CRYBG1: variants seen among roughly 807,000 people sequenced by gnomAD.
CRYBG1 encodes crystallin beta-gamma domain containing 1.
In CRYBG1, 139 loss-of-function variants were observed where a neutral mutation model predicts 189.2. The observed-to-expected ratio is 0.73, with a 90% CI of 0.64 to 0.85. The LOEUF (loss-of-function observed/expected upper bound fraction) is 0.85. Ranked by LOEUF, CRYBG1 falls within the 40% of genes least tolerant of loss-of-function variation. The pLI is 0.00. For missense variants in CRYBG1, 2,611 were observed against 2,675.8 expected (o/e 0.98, Z 0.53); for synonymous variants, 1,023 against 1,017.1 (o/e 1.01, Z -0.11).
At chr6:106,419,085 GA>G (rs1320591698) in intron 1 of CRYBG1, among the ~76,000 whole-genome samples, 17 of 152,194 alleles carry the variant, frequency 1.1e-4, no homozygotes, top group Admixed American at 9.2e-4. Context: ...GGTTGACAAA[GA>G]AAAGGGAAGA....
At chr6:106,420,032 A>C (rs1771094555) in intron 1 of CRYBG1, among the ~76,000 whole-genome samples, 1 of 152,230 alleles carries the variant, frequency 6.6e-6, no homozygotes, top group South Asian at 2.1e-4. Flanking sequence ...ACAACAAGGC[A>C]TGAGTCCCAC....
Position 106,511,707 on chromosome 6 carries a change from T to C in CRYBG1, c.590T>C (p.Leu197Pro). 1.3e-6 allele frequency: 2 copies of C among 1,533,112 alleles called. No individual in the cohort carries two copies. The highest frequency in any genetic ancestry group is 1.7e-6 in the Non-Finnish European group (2 of 1,146,012). 95.0% of individuals were successfully genotyped at this position (1,533,112 alleles called of 1,614,324 possible). A position where few individuals can be genotyped will look rare whatever the true frequency, so the allele number is the denominator to read the frequency against. ...AATCCCCGAGAGGCAGAGGGCGAGCTCCCCGAGAGCGGTGGCCCCGCAGCC... is the reference window on the plus strand; with the variant it reads ...AATCCCCGAGAGGCAGAGGGCGAGCCCCCCGAGAGCGGTGGCCCCGCAGCC... ...RENPREAEGE[L>P]PESGGPAAPP... The change falls in exon 3 of 22, where the codon CTC becomes CCC. Residue 197 changes from leucine to proline, a missense_variant. Physicochemically the swap from Leu to Pro is moderately conservative, Grantham distance 98. Around this residue, in one of 3 missense-constraint regions of CRYBG1, gnomAD observed 985 missense variants for 924.4 expected, o/e 1.07. Transcript: ENST00000633556.
chr6:106,482,506 T>C (rs1220208773), intron 2 of CRYBG1, among the ~76,000 whole-genome samples: 30 of 152,162 alleles, frequency 2.0e-4, no homozygotes, highest in Admixed American at 1.7e-3. Flanking sequence ...CCAGGCATGG[T>C]GGCTCACGCC....
chr6:106,512,798 G>C lies in CRYBG1; in HGVS notation c.1681G>C (p.Glu561Gln). The change falls in exon 3 of 22, where the codon GAG becomes CAG. Residue 561 changes from glutamate to glutamine, a missense_variant. Transcript: ENST00000633556. Reference protein sequence around the residue: ...VTKGTAAESGEEAARAIPREL... With the variant: ...VTKGTAAESGQEAARAIPREL... ...CAAGGGCACTGCGGCCGAGAGCGGG[G>C]AGGAGGCGGCGCGGGCCATCCCCCG... The C allele has an allele frequency of 6.3e-7, 1 of 1,578,190 alleles. No individual in the cohort carries two copies. Among genetic ancestry groups the C allele is most frequent in the East Asian group, 2.3e-5 (1 of 43,134 alleles).
At chr6:106,395,559 T>C (rs1004283361) in intron 1 of CRYBG1, among the ~76,000 whole-genome samples, 6 of 152,046 alleles carry the variant, frequency 3.9e-5, no homozygotes, top group Admixed American at 6.6e-5. Context: ...TTTTGTTATA[T>C]AGTATTATTA....
At chr6:106,567,611 A>G (rs1196221279) in intron 21 of CRYBG1, among the ~76,000 whole-genome samples, 1 of 152,144 alleles carries the variant, frequency 6.6e-6, no homozygotes, top group African/African-American at 2.4e-5. Flanking sequence ...GTCTTTGTTG[A>G]TACATCCTTG....
rs57640822 is a variant in CRYBG1, at chr6:106,422,344, A to ATTTATTTATTTATTTAT, written c.174-29347_174-29346insATTTATTTATTTATTTT. On this transcript the variant is annotated intron_variant, in intron 1 of 21. Transcript: ENST00000633556. Reference sequence around the variant, plus strand: ...TTGTTATTTATTTATTTATTTATTTATTTTTGAGACATGGTCTCACTTGGT... The same window carrying ATTTATTTATTTATTTAT: ...TTGTTATTTATTTATTTATTTATTTATTTATTTATTTATTTATTTTTTGAGACATGGTCTCACTTGGT... Among the ~76,000 whole-genome samples, 666 of 139,960 alleles carry ATTTATTTATTTATTTAT rather than the reference A, an allele frequency of 4.8e-3. 9 individuals are homozygous for ATTTATTTATTTATTTAT. Among genetic ancestry groups the ATTTATTTATTTATTTAT allele is most frequent in the African/African-American group, 0.017 (628 of 37,760 alleles). The allele number at this position is 139,960 out of a possible 152,430, so 91.8% of individuals were successfully genotyped here. A position where few individuals can be genotyped will look rare whatever the true frequency, so the allele number is the denominator to read the frequency against.
rs781177042 is a variant in CRYBG1, at chr6:106,552,163, C to T, written c.5440-21C>T. On this transcript the variant is annotated intron_variant, in intron 14 of 21. Transcript: ENST00000633556. ...GTTTGTTCTATTCATTTCCTTTTCTCCTTCCTTTAAAAATTTTTAGGATTC... is the reference window on the plus strand; with the variant it reads ...GTTTGTTCTATTCATTTCCTTTTCTTCTTCCTTTAAAAATTTTTAGGATTC... The T allele has an allele frequency of 4.4e-6, 7 of 1,579,126 alleles. No individual in the cohort carries two copies. The South Asian group carries it at 7.0e-5, about 16-fold the overall frequency.
At chr6:106,394,493 G>A (rs959034761) in intron 1 of CRYBG1, among the ~76,000 whole-genome samples, 1 of 152,130 alleles carries the variant, frequency 6.6e-6, no homozygotes, top group Non-Finnish European at 1.5e-5. Flanking sequence ...TCTTAAAGTT[G>A]TTACTAAGGG....
At chr6:106,361,591 T>A (rs1404326169) in intron 1 of CRYBG1, among the ~76,000 whole-genome samples, 1 of 152,174 alleles carries the variant, frequency 6.6e-6, no homozygotes, top group East Asian at 1.9e-4. Flanking sequence ...CCCCATTTCA[T>A]GGGTGGAGGA....
intron 16 of CRYBG1, among the ~76,000 whole-genome samples, chr6:106,555,204 A>G (rs1774506711): frequency 6.6e-6 from 1 of 151,566 alleles, no homozygotes; most frequent in African/African-American, 2.4e-5. Flanking sequence ...AAAAAAAAAA[A>G]AAGGCCCACA....
At chr6:106,451,493 G>C (rs1429112641) in intron 1 of CRYBG1, 1 of 435,542 alleles carries the variant, frequency 2.3e-6, no homozygotes, top group Non-Finnish European at 4.0e-6. Flanking sequence ...GTTAGGCACA[G>C]GGTGAAGTCA....
Position 106,432,219 on chromosome 6 carries a change from A to G in CRYBG1, c.174-19475A>G, listed in dbSNP as rs562824353. Among the ~76,000 whole-genome samples the G allele has an allele frequency of 7.2e-5, 11 of 152,132 alleles. No individual in the cohort carries two copies. The South Asian group carries it at 2.3e-3, about 32-fold the overall frequency. ...CTGTCAATGCGAAGAGGAGTTTTCCACCCTTCTTTGTACTTTCATTAATGC... is the reference window on the plus strand; with the variant it reads ...CTGTCAATGCGAAGAGGAGTTTTCCGCCCTTCTTTGTACTTTCATTAATGC... On this transcript the variant is annotated intron_variant, in intron 1 of 21. Coordinates refer to ENST00000633556, the MANE Select transcript of CRYBG1 (RefSeq NM_001371242.2).
chr6:106,522,196 C>G (rs545347500), intron 4 of CRYBG1, among the ~76,000 whole-genome samples: 1 of 152,336 alleles, frequency 6.6e-6, no homozygotes, highest in East Asian at 1.9e-4. Flanking sequence ...AAGGAGCTTC[C>G]TCTATTTGGG....
intron 9 of CRYBG1, 186 bp from the exon 10 acceptor site, chr6:106,541,400 T>C (rs1774126448): frequency 1.9e-5 from 13 of 689,916 alleles, no homozygotes; most frequent in Middle Eastern, 2.4e-4. Flanking sequence ...GAGGCTCCGT[T>C]CTAGCCTGCC....
At chr6:106,393,747 C>T (rs557095711) in intron 1 of CRYBG1, among the ~76,000 whole-genome samples, 2 of 150,494 alleles carry the variant, frequency 1.3e-5, no homozygotes, top group Admixed American at 1.3e-4. Flanking sequence ...ACGATCTTGG[C>T]TCACTGCAAC....
In CRYBG1 at chr6:106,511,934, C is replaced by G; in HGVS notation, c.817C>G (p.Arg273Gly). 1.3e-6 allele frequency: 2 copies of G among 1,525,342 alleles called. No homozygotes were observed. The highest frequency in any genetic ancestry group is 4.9e-5 in the East Asian group (2 of 40,714). The allele number at this position is 1,525,342 out of a possible 1,614,324, so 94.5% of individuals were successfully genotyped here. ...SRQENAETPA[R>G]SPGEDASPGA... ...GCAAGAGAACGCAGAGACGCCCGCCCGCAGTCCGGGGGAGGACGCTTCACC... is the reference window on the plus strand; with the variant it reads ...GCAAGAGAACGCAGAGACGCCCGCCGGCAGTCCGGGGGAGGACGCTTCACC... The change falls in exon 3 of 22, where the codon CGC becomes GGC. Residue 273 changes from arginine (R) to glycine (G), a missense_variant. Arg to Gly is a moderately radical substitution (Grantham distance 125). Coordinates refer to ENST00000633556, the MANE Select transcript of CRYBG1 (RefSeq NM_001371242.2).
At chr6:106,517,369 TAC>T (rs1401725713) in intron 3 of CRYBG1, among the ~76,000 whole-genome samples, 6 of 117,606 alleles carry the variant, frequency 5.1e-5, no homozygotes, top group Non-Finnish European at 9.2e-5. Context: ...TACACATATA[TAC>T]ACACACACAT....
chr6:106,436,889 G>C (rs757261522), intron 1 of CRYBG1, among the ~76,000 whole-genome samples: 4 of 147,928 alleles, frequency 2.7e-5, no homozygotes, highest in Non-Finnish European at 5.9e-5. Flanking sequence ...CTTACTAAAA[G>C]ACTGTAGCAA....
Sources: allele counts gnomAD v4.1 joint callset (sites outside exome capture counted in the v4.1 genomes callset), GRCh38; gene constraint gnomAD v4.1.1; regional missense constraint gnomAD v4.1.1; transcripts MANE v1.5; gene names NCBI Gene and HGNC (gene_info 2026-07-23, HGNC 2026-07-21).